STAU2: variants seen among roughly 807,000 people sequenced by gnomAD.
STAU2 encodes double-stranded RNA-binding protein Staufen homolog 2.
STAU2 carries 20 observed loss-of-function variants against 65.9 expected under a neutral mutation model. That is an observed-to-expected ratio of 0.30 (90% CI 0.21 to 0.44). The LOEUF is 0.44. Among genes scored for constraint, STAU2 ranks in the 20% least tolerant of loss-of-function variants. The pLI is 1.00. For missense variants in STAU2, 558 were observed against 683.9 expected, an observed-to-expected ratio of 0.82 and a Z score of 2.05; for synonymous variants, 232 against 233.9, an observed-to-expected ratio of 0.99 and a Z score of 0.07.
intron 11 of STAU2, among the ~76,000 whole-genome samples, chr8:73,589,729 T>C (rs996166360): frequency 9.9e-5 from 15 of 152,108 alleles, no homozygotes; most frequent in Non-Finnish European, 1.6e-4. Context: ...AATGAATGTA[T>C]AAATGGAAAC....
At chr8:73,540,091 C>T (rs1253682572) in intron 13 of STAU2, among the ~76,000 whole-genome samples, 1 of 151,802 alleles carries the variant, frequency 6.6e-6, no homozygotes, top group African/African-American at 2.4e-5. Flanking sequence ...AACAGTGTAC[C>T]CTAAAAGATA....
At chr8:73,522,127 A>G (rs756660292) in intron 13 of STAU2, among the ~76,000 whole-genome samples, 4 of 152,226 alleles carry the variant, frequency 2.6e-5, no homozygotes, top group Non-Finnish European at 5.9e-5. Flanking sequence ...TCTTTGTGAG[A>G]TTTGGTGATA....
intron 3 of STAU2, among the ~76,000 whole-genome samples, chr8:73,710,511 T>C (rs1820820089): frequency 6.6e-6 from 1 of 152,064 alleles, no homozygotes; most frequent in Admixed American, 6.6e-5. Context: ...CCTTCTATTC[T>C]TTCTATAAAA....
At chr8:73,702,386 C>A (rs1039621221) in intron 4 of STAU2, among the ~76,000 whole-genome samples, 4 of 151,962 alleles carry the variant, frequency 2.6e-5, no homozygotes, top group African/African-American at 7.3e-5. Flanking sequence ...GAGATGATTA[C>A]AACAAGGAAT....
At chr8:73,534,814 A>G (rs1806075863) in intron 13 of STAU2, among the ~76,000 whole-genome samples, 1 of 152,230 alleles carries the variant, frequency 6.6e-6, no homozygotes, top group Admixed American at 6.5e-5. Flanking sequence ...GTCATGTACC[A>G]GTGTTTTAGT....
chr8:73,664,089 C>A (rs967550538), intron 6 of STAU2, among the ~76,000 whole-genome samples: 2 of 152,078 alleles, frequency 1.3e-5, no homozygotes, highest in African/African-American at 4.8e-5. Context: ...GGTCTCACTG[C>A]GTTGCCTAGG....
At chr8:73,632,108 A>G (rs1212428676) in intron 6 of STAU2, among the ~76,000 whole-genome samples, 3 of 152,166 alleles carry the variant, frequency 2.0e-5, no homozygotes, top group Non-Finnish European at 2.9e-5. Context: ...GACAGTAGGT[A>G]TGATATTAAG....
intron 13 of STAU2, among the ~76,000 whole-genome samples, chr8:73,520,481 T>C (rs1455424790): frequency 6.6e-6 from 1 of 152,226 alleles, no homozygotes; most frequent in Non-Finnish European, 1.5e-5. Context: ...TATGTGACAC[T>C]TGATCCCTTA....
At chr8:73,437,271 C>A (rs1317566418) in intron 13 of STAU2, among the ~76,000 whole-genome samples, 5 of 152,140 alleles carry the variant, frequency 3.3e-5, no homozygotes, top group Non-Finnish European at 7.4e-5. Flanking sequence ...GGACAAGTAG[C>A]CAGGATTATA....
chr8:73,510,313 GC>G (rs1333931105), intron 13 of STAU2, among the ~76,000 whole-genome samples: 2 of 151,798 alleles, frequency 1.3e-5, no homozygotes, highest in African/African-American at 4.8e-5. Context: ...CATGTGATCC[GC>G]CCACCTCTGC....
At chr8:73,547,286 C>T (rs781612581) in intron 13 of STAU2, among the ~76,000 whole-genome samples, 23 of 151,956 alleles carry the variant, frequency 1.5e-4, no homozygotes, top group Non-Finnish European at 2.9e-4. Context: ...TGATTCTTAC[C>T]TGTATTACTG....
chr8:73,585,475 C>A (rs185890289), intron 11 of STAU2, among the ~76,000 whole-genome samples: 1 of 152,166 alleles, frequency 6.6e-6, no homozygotes, highest in Non-Finnish European at 1.5e-5. Context: ...AGTGAAACTC[C>A]GTCTCAAAAC....
intron 12 of STAU2, among the ~76,000 whole-genome samples, chr8:73,576,033 A>AT (rs1809521227): frequency 6.6e-6 from 1 of 152,192 alleles, no homozygotes; most frequent in South Asian, 2.1e-4. Context: ...GTAAAAAACG[A>AT]TAAAAGATTT....
rs1585705649 is a variant in STAU2, at chr8:73,420,375, C to A, written c.*997G>T. 2.9e-6 allele frequency: 1 copy of A among 344,412 alleles called. No homozygotes were observed. The highest frequency in any genetic ancestry group is 2.1e-5 in the African/African-American group (1 of 46,828). 21.3% of individuals were successfully genotyped at this position (344,412 alleles called of 1,614,324 possible). On this transcript the variant is annotated 3_prime_UTR_variant, in exon 15 of 15. Transcript: ENST00000524300. ...AAAAGAACAACAACAGCGCTTCACA[C>A]AGAAACCAACCACATTTTTACTGCA...
intron 6 of STAU2, among the ~76,000 whole-genome samples, chr8:73,649,034 G>A (rs1434470022): frequency 1.3e-5 from 2 of 152,098 alleles, no homozygotes; most frequent in East Asian, 1.9e-4. Flanking sequence ...TCAAACTCCT[G>A]GCCTCAAGCA....
At chr8:73,425,634 T>G (rs1277660322) in intron 13 of STAU2, among the ~76,000 whole-genome samples, 1 of 152,164 alleles carries the variant, frequency 6.6e-6, no homozygotes, top group Non-Finnish European at 1.5e-5. Context: ...TCTCTCTCTC[T>G]CTCTTCTCTC....
intron 13 of STAU2, among the ~76,000 whole-genome samples, chr8:73,481,878 G>T (rs1195154698): frequency 6.6e-6 from 1 of 152,116 alleles, no homozygotes; most frequent in Non-Finnish European, 1.5e-5. Context: ...CTATAGGGCA[G>T]CGCTTTTGTT....
At chr8:73,575,128 TAA>T (rs5892429) in intron 12 of STAU2, among the ~76,000 whole-genome samples, 337 of 137,958 alleles carry the variant, frequency 2.4e-3, no homozygotes, top group Middle Eastern at 3.6e-3. Flanking sequence ...TCCTACCAAG[TAA>T]AAAAAAAAAA....
At chr8:73,651,084 C>T (rs577302478) in intron 6 of STAU2, among the ~76,000 whole-genome samples, 10 of 152,210 alleles carry the variant, frequency 6.6e-5, no homozygotes, top group African/African-American at 2.4e-4. Flanking sequence ...ACTGGCTCTC[C>T]CAAAGCAGCT....
Sources: gnomAD v4.1 joint callset for allele counts (sites outside exome capture counted in the v4.1 genomes callset) on GRCh38, gnomAD v4.1.1 for gene constraint, MANE v1.5 for transcripts, NCBI Gene and HGNC (gene_info 2026-07-23, HGNC 2026-07-21) for gene names.